The following N4BP1 variants were observed in gnomAD, a reference collection of about 807,000 sequenced individuals.
N4BP1 encodes the protein NEDD4 binding protein 1.
A neutral mutation model predicts 70.9 loss-of-function variants in N4BP1; 21 were observed. The observed-to-expected ratio is 0.30, with a 90% confidence interval of 0.21 to 0.43. The LOEUF is 0.43. Ranked by LOEUF, N4BP1 falls within the 20% of genes least tolerant of loss-of-function variation. The pLI is 1.00. For missense variants in N4BP1, 936 were observed against 1,069.4 expected, an observed-to-expected ratio of 0.88 and a Z score of 1.74; for synonymous variants, 387 against 394.6, an observed-to-expected ratio of 0.98 and a Z score of 0.23.
In N4BP1 at chr16:48,540,130, C is replaced by T. The variant is rs1453358268; in HGVS notation, c.*2774G>A. 3 of 152,732 alleles carry T rather than the reference C, an allele frequency of 2.0e-5. No homozygotes were observed. Among genetic ancestry groups the T allele is most frequent in the African/African-American group, 7.2e-5 (3 of 41,594 alleles). The allele number at this position is 152,732 out of a possible 1,614,324, so 9.5% of individuals were successfully genotyped here. On this transcript the variant is annotated 3_prime_UTR_variant, in exon 7 of 7. Transcript: ENST00000262384. ...AGACGGAGGTGAGCCAGAGACACCT[C>T]CTGGGCAAGTCGGCCAGGAGGCGGG... is the stretch of plus-strand genomic sequence containing the variant.
At chr16:48,576,733 CAA>C (rs1964100579) in intron 1 of N4BP1, among the ~76,000 whole-genome samples, 1 of 152,168 alleles carries the variant, frequency 6.6e-6, no homozygotes. Flanking sequence ...CCTACTTTTT[CAA>C]AGTCATGTCT....
At chr16:48,602,755 T>C (rs1964520916) in intron 1 of N4BP1, among the ~76,000 whole-genome samples, 1 of 151,572 alleles carries the variant, frequency 6.6e-6, no homozygotes, top group Non-Finnish European at 1.5e-5. Context: ...TCATGAAACC[T>C]ACCTGGGCAA....
chr16:48,562,905 G>A (rs955014531), intron 1 of N4BP1, among the ~76,000 whole-genome samples: 2 of 151,866 alleles, frequency 1.3e-5, no homozygotes, highest in Non-Finnish European at 2.9e-5. Context: ...ATTTCTTGAA[G>A]GTATAAAAGA....
intron 1 of N4BP1, among the ~76,000 whole-genome samples, chr16:48,581,731 T>C (rs996868812): frequency 1.3e-5 from 2 of 152,114 alleles, no homozygotes; most frequent in South Asian, 2.1e-4. Flanking sequence ...ATAAATATAT[T>C]GGGAAAAGTA....
chr16:48,544,370 T>G (rs2151084282), intron 6 of N4BP1, among the ~76,000 whole-genome samples: 1 of 152,264 alleles, frequency 6.6e-6, no homozygotes, highest in African/African-American at 2.4e-5. Flanking sequence ...TGGTTCCTGT[T>G]GCAAATGGAA....
intron 1 of N4BP1, among the ~76,000 whole-genome samples, chr16:48,582,702 A>G (rs1221377890): frequency 6.6e-6 from 1 of 152,150 alleles, no homozygotes; most frequent in African/African-American, 2.4e-5. Flanking sequence ...AGGAAAAAAA[A>G]CGTTGTATAT....
chr16:48,593,310 T>C (rs1010503166), intron 1 of N4BP1, among the ~76,000 whole-genome samples: 10 of 152,356 alleles, frequency 6.6e-5, no homozygotes, highest in African/African-American at 1.9e-4. Flanking sequence ...CAGTGTAACA[T>C]GTATTTGAGA....
Position 48,610,075 on chromosome 16 carries a change from C to T in N4BP1, c.-103G>A, listed in dbSNP as rs1670536476. ...GCCAGTCAGGCGGCGTCGGCCCTTCCCGGCCGCCTCGCCCCCGCCCGCGCC... is the reference window on the plus strand; with the variant it reads ...GCCAGTCAGGCGGCGTCGGCCCTTCTCGGCCGCCTCGCCCCCGCCCGCGCC... On this transcript the variant is annotated 5_prime_UTR_variant, in exon 1 of 7. Coordinates refer to ENST00000262384, the MANE Select transcript of N4BP1 (RefSeq NM_153029.4). The T allele has an allele frequency of 3.2e-6, 2 of 619,244 alleles. No homozygotes were observed. The highest frequency in any genetic ancestry group is 4.1e-6 in the Non-Finnish European group (2 of 491,844). 38.4% of individuals were successfully genotyped at this position (619,244 alleles called of 1,614,324 possible). A position where few individuals can be genotyped will look rare whatever the true frequency, so the allele number is the denominator to read the frequency against.
intron 1 of N4BP1, among the ~76,000 whole-genome samples, chr16:48,597,134 A>C (rs1266485072): frequency 6.6e-6 from 1 of 152,204 alleles, no homozygotes; most frequent in Non-Finnish European, 1.5e-5. Flanking sequence ...GAATATGGGG[A>C]AATTGATTTG....
At chr16:48,555,402 C>G (rs1181456675) in intron 2 of N4BP1, among the ~76,000 whole-genome samples, 1 of 152,226 alleles carries the variant, frequency 6.6e-6, no homozygotes, top group Non-Finnish European at 1.5e-5. Flanking sequence ...TCCTTGAGAG[C>G]AGGAAGAGGC....
chr16:48,560,616 A>G, intron 2 of N4BP1, 138 bp downstream of exon 2: 1 of 1,160,380 alleles, frequency 8.6e-7, no homozygotes, highest in South Asian at 1.7e-5. Context: ...GTTGGTTCCC[A>G]TTCCCCTCCA....
rs886660929 is a variant in N4BP1, at chr16:48,542,366, C to T, written c.*538G>A. 2 of 152,760 alleles carry T rather than the reference C, an allele frequency of 1.3e-5. No homozygotes were observed. Among genetic ancestry groups the T allele is most frequent in the Non-Finnish European group, 2.9e-5 (2 of 68,098 alleles). The allele number at this position is 152,760 out of a possible 1,614,324, so 9.5% of individuals were successfully genotyped here. On this transcript the variant is annotated 3_prime_UTR_variant, in exon 7 of 7. Coordinates refer to ENST00000262384, the MANE Select transcript of N4BP1 (RefSeq NM_153029.4). ...GCACCGCGGGTCCACTTTCACAACACTCCAACCAAAGACTGCAGAACAAAC... is the reference window on the plus strand; with the variant it reads ...GCACCGCGGGTCCACTTTCACAACATTCCAACCAAAGACTGCAGAACAAAC...
rs34308285 is a variant in N4BP1 at position 48,588,294 on chromosome 16, C to CT, written c.198+21480dup. Among the ~76,000 whole-genome samples, 299 of 134,828 alleles carry CT rather than the reference C, an allele frequency of 2.2e-3. 2 individuals are homozygous for CT. The highest frequency in any genetic ancestry group is 4.0e-3 in the African/African-American group (147 of 36,312). The allele number at this position is 134,828 out of a possible 152,430, so 88.5% of individuals were successfully genotyped here. ...TTCTTTCAATGTCATACTATGTTTT[C>CT]TTTTTTTTTTTTTTTTGGAGATGAA... On this transcript the variant is annotated intron_variant, in intron 1 of 6. Coordinates refer to ENST00000262384, the MANE Select transcript of N4BP1 (RefSeq NM_153029.4).
At chr16:48,572,382 C>G (rs1017191265) in intron 1 of N4BP1, among the ~76,000 whole-genome samples, 1 of 151,922 alleles carries the variant, frequency 6.6e-6, no homozygotes, top group East Asian at 1.9e-4. Flanking sequence ...AAAAGAATGA[C>G]AGTAAGAATG....
intron 2 of N4BP1, among the ~76,000 whole-genome samples, chr16:48,555,743 C>T (rs1204761835): frequency 6.6e-6 from 1 of 152,150 alleles, no homozygotes; most frequent in Non-Finnish European, 1.5e-5. Flanking sequence ...CAGGGACATG[C>T]CCAGAGTTAA....
intron 1 of N4BP1, among the ~76,000 whole-genome samples, chr16:48,591,967 T>C (rs1170220936): frequency 6.7e-6 from 1 of 150,074 alleles, no homozygotes; most frequent in Non-Finnish European, 1.5e-5. Flanking sequence ...TGTGCAAAAA[T>C]TAGGTACAAA....
intron 1 of N4BP1, chr16:48,600,671 C>A (rs1964482117): frequency 6.4e-6 from 3 of 465,456 alleles, no homozygotes; most frequent in Middle Eastern, 7.4e-4. Context: ...GTAACCATTT[C>A]TTTTATGTAC....
intron 1 of N4BP1, among the ~76,000 whole-genome samples, chr16:48,565,124 T>C (rs1963921273): frequency 6.6e-6 from 1 of 152,190 alleles, no homozygotes; most frequent in African/African-American, 2.4e-5. Context: ...TCTACAAATA[T>C]TTCTTCTTTT....
At chr16:48,608,263 A>G (rs1964615075) in intron 1 of N4BP1, among the ~76,000 whole-genome samples, 5 of 152,148 alleles carry the variant, frequency 3.3e-5, no homozygotes, top group African/African-American at 1.2e-4. Flanking sequence ...TCGGCCTCCC[A>G]AAGTGCTAGG....
Sources: allele counts gnomAD v4.1 joint callset (sites outside exome capture counted in the v4.1 genomes callset), GRCh38; gene constraint gnomAD v4.1.1; transcripts MANE v1.5; gene names NCBI Gene and HGNC (gene_info 2026-07-23, HGNC 2026-07-21).